NIPBL: variants seen among roughly 807,000 people sequenced by gnomAD.
The protein encoded by NIPBL is nipped-B-like protein.
In NIPBL, 19 loss-of-function variants were observed where a neutral mutation model predicts 321.8. The observed-to-expected ratio is 0.06, with a 90% CI of 0.04 to 0.09. The LOEUF is 0.09. Ranked by LOEUF, NIPBL falls within the 10% of genes least tolerant of loss-of-function variation. The pLI is 1.00. For missense variants in NIPBL, 2,210 were observed against 3,327.0 expected, an observed-to-expected ratio of 0.66 and a Z score of 8.26; for synonymous variants, 1,106 against 1,114.1, an observed-to-expected ratio of 0.99 and a Z score of 0.14.
chr5:36,917,953 A>G (rs1417751849), intron 1 of NIPBL, among the ~76,000 whole-genome samples: 1 of 152,198 alleles, frequency 6.6e-6, no homozygotes, highest in Non-Finnish European at 1.5e-5. Context: ...GAAGTCAGGT[A>G]GCATGATGCC....
intron 6 of NIPBL, among the ~76,000 whole-genome samples, chr5:36,962,922 G>A (rs1741789877): frequency 6.6e-6 from 1 of 152,198 alleles, no homozygotes; most frequent in African/African-American, 2.4e-5. Context: ...GGTATCCACA[G>A]AAGGTATTGG....
At chr5:36,949,575 A>G (rs1000644065) in intron 1 of NIPBL, among the ~76,000 whole-genome samples, 3 of 151,938 alleles carry the variant, frequency 2.0e-5, no homozygotes, top group Non-Finnish European at 4.4e-5. Flanking sequence ...TAATCACTAA[A>G]AGTAAAAATA....
chr5:37,063,657 A>G (rs1291657563), intron 45 of NIPBL, 133 bp from the exon 46 acceptor site: 9 of 822,470 alleles, frequency 1.1e-5, no homozygotes, highest in Non-Finnish European at 1.7e-5. Context: ...AATGTTTACT[A>G]GCCCCTAATT....
rs1022545160 is a variant in NIPBL at position 36,991,741 on chromosome 5, C to A, written c.3122-3881C>A. Among the ~76,000 whole-genome samples the A allele has an allele frequency of 3.4e-5, 5 of 148,360 alleles. No individual in the cohort carries two copies. In the South Asian group the frequency reaches 1.1e-3, roughly 32 times the overall value. ...CACTGAACTATTCCATTATGCCTGC[C>A]CAAGTTTTTTTTTTTTTTTTTTTAG... is the stretch of plus-strand genomic sequence containing the variant. On this transcript the variant is annotated intron_variant, in intron 10 of 46. Transcript: ENST00000282516.
chr5:37,030,240 A>G (rs2149709563), intron 32 of NIPBL, among the ~76,000 whole-genome samples: 1 of 152,270 alleles, frequency 6.6e-6, no homozygotes, highest in South Asian at 2.1e-4. Context: ...AAGTTAGTTT[A>G]TCCATCCTAT....
chr5:37,053,460 A>G (rs1753777030), intron 42 of NIPBL, among the ~76,000 whole-genome samples: 1 of 152,244 alleles, frequency 6.6e-6, no homozygotes, highest in African/African-American at 2.4e-5. Flanking sequence ...TAATTTATAA[A>G]TTAGTCACAG....
intron 1 of NIPBL, among the ~76,000 whole-genome samples, chr5:36,917,048 T>A (rs970000272): frequency 1.3e-5 from 2 of 152,256 alleles, no homozygotes; most frequent in Admixed American, 6.5e-5. Context: ...CTGGTATTTC[T>A]AATTCTAGAT....
At chr5:37,026,050 T>C (rs1189492328) in intron 30 of NIPBL, among the ~76,000 whole-genome samples, 179 bp from the exon 31 acceptor site, 1 of 152,202 alleles carries the variant, frequency 6.6e-6, no homozygotes, top group Non-Finnish European at 1.5e-5. Context: ...TGAAAATTTT[T>C]ATAGTTTTGA....
In NIPBL at chr5:36,976,272, T is replaced by G; in HGVS notation, c.1365T>G (p.Asn455Lys). ...AKQPQTSVVQ[N>K]QQQISQQGPI... The stretch of plus-strand genomic sequence containing the variant: ...AACCCCAGACTTCTGTGGTACAGAA[T>G]CAACAACAGATATCACAACAGGGAC... Residue 455 changes from asparagine (N) to lysine (K), a missense_variant, in exon 9 of 47, where the codon AAT becomes AAG. By Grantham distance (94) the Asn-to-Lys change is moderately conservative (BLOSUM62 0). Coordinates refer to ENST00000282516, the MANE Select transcript of NIPBL (RefSeq NM_133433.4). The G allele has an allele frequency of 6.2e-7, 1 of 1,613,674 alleles. No homozygotes were observed. The highest frequency in any genetic ancestry group is 8.5e-7 in the Non-Finnish European group (1 of 1,179,842).
Position 37,002,672 on chromosome 5 carries a change from T to G in NIPBL, c.3675T>G (p.Asp1225Glu). The change falls in exon 15 of 47, where the codon GAT (aspartate) becomes GAG (glutamate). Residue 1225 changes from aspartate to glutamate, a missense_variant. Transcript: ENST00000282516. ...DMDFTAFGDD[D>E]EIPQELLLGK... The stretch of plus-strand genomic sequence containing the variant: ...GGCTTGATTTTGCAGGTGATGATGA[T>G]GAAATTCCTCAGGAACTGCTCTTAG... 1 of 1,608,212 alleles carries G rather than the reference T, an allele frequency of 6.2e-7. No homozygotes were observed. Among genetic ancestry groups the G allele is most frequent in the Non-Finnish European group, 8.5e-7 (1 of 1,174,956 alleles).
chr5:37,036,345 ATG>A (rs771146701), intron 32 of NIPBL, 32 bp from the exon 33 acceptor site: 9 of 432,646 alleles, frequency 2.1e-5, no homozygotes, highest in South Asian at 1.4e-4. Context: ...GTATATATAT[ATG>A]TATATATATA....
At chr5:36,885,275 T>C (rs769721362) in intron 1 of NIPBL, 21 of 509,120 alleles carry the variant, frequency 4.1e-5, no homozygotes, top group Middle Eastern at 6.9e-4. Context: ...GCCACCCAGC[T>C]ATGGTGCCTG....
In NIPBL at chr5:36,992,829, G is replaced by A. The variant is rs373637507; in HGVS notation, c.3122-2793G>A. The stretch of plus-strand genomic sequence containing the variant: ...GTGATCTTGGCTCACTGCAGACTCC[G>A]CCTTCCGGGCTCATGCCATTCTCCT... On this transcript the variant is annotated intron_variant, in intron 10 of 46. Transcript: ENST00000282516. Among the ~76,000 whole-genome samples the A allele has an allele frequency of 1.9e-4, 29 of 151,902 alleles. No homozygotes were observed. In the South Asian group the frequency reaches 5.4e-3, roughly 28 times the overall value.
In NIPBL at chr5:36,949,674, G is replaced by GA. The variant is rs1281829224; in HGVS notation, c.-79-3943dup. Among the ~76,000 whole-genome samples the GA allele has an allele frequency of 7.2e-5, 11 of 151,964 alleles. No homozygotes were observed. In the East Asian group the frequency reaches 2.1e-3, roughly 29 times the overall value. ...AAAAGTGAAATTGTTGAGAAAAAAT[G>GA]ATGCATTTTTTTAAGGCTTTGGTTA... On this transcript the variant is annotated intron_variant, in intron 1 of 46. Coordinates refer to ENST00000282516, the MANE Select transcript of NIPBL (RefSeq NM_133433.4).
intron 8 of NIPBL, among the ~76,000 whole-genome samples, chr5:36,975,298 C>G (rs1743317295): frequency 6.6e-6 from 1 of 152,004 alleles, no homozygotes; most frequent in African/African-American, 2.4e-5. Context: ...CAGTAGTATT[C>G]ATGTAAGATA....
chr5:37,038,559 C>G, intron 33 of NIPBL, 43 bp from the exon 34 acceptor site: 1 of 1,586,422 alleles, frequency 6.3e-7, no homozygotes, highest in South Asian at 1.1e-5. Context: ...TTTCCACTAC[C>G]TTGTCATATT....
At chr5:36,879,310 G>A (rs1440124504) in intron 1 of NIPBL, among the ~76,000 whole-genome samples, 1 of 151,956 alleles carries the variant, frequency 6.6e-6, no homozygotes, top group African/African-American at 2.4e-5. Context: ...CTGAGACTTT[G>A]GAATTGTTAT....
intron 11 of NIPBL, among the ~76,000 whole-genome samples, chr5:36,997,305 G>T (rs1746244026): frequency 2.6e-5 from 4 of 152,130 alleles, no homozygotes; most frequent in Admixed American, 2.6e-4. Flanking sequence ...TTCAAATCCA[G>T]TTGACTGAAA....
At chr5:36,917,885 C>G (rs1168751410) in intron 1 of NIPBL, among the ~76,000 whole-genome samples, 1 of 152,090 alleles carries the variant, frequency 6.6e-6, no homozygotes, top group Admixed American at 6.5e-5. Context: ...TGGTCTATAT[C>G]TCTGTTTTGG....
Sources: gnomAD v4.1 joint callset for allele counts (sites outside exome capture counted in the v4.1 genomes callset) on GRCh38, gnomAD v4.1.1 for gene constraint, MANE v1.5 for transcripts, NCBI Gene and HGNC (gene_info 2026-07-23, HGNC 2026-07-21) for gene names.